KLF12: variants seen among roughly 807,000 people sequenced by gnomAD.
KLF12 encodes the protein KLF transcription factor 12, also known as Krueppel-like factor 12.
A neutral mutation model predicts 37.8 loss-of-function variants in KLF12; 9 were observed. That is an observed-to-expected ratio of 0.24 (90% confidence interval 0.14 to 0.42). KLF12 has a LOEUF of 0.42. KLF12 is among the 10% of genes least tolerant of loss of function. KLF12 has a pLI of 1.00. For synonymous variants in KLF12, 208 were observed against 202.1 expected, an observed-to-expected ratio of 1.03 and a Z score of -0.25; for missense variants, 411 against 516.0, an observed-to-expected ratio of 0.80 and a Z score of 1.97.
At chr13:74,253,913 G>T in the KLF12 span, among the ~76,000 whole-genome samples, 12 of 152,138 alleles carry the variant, frequency 7.9e-5, no homozygotes, top group East Asian at 2.1e-3. Context: ...CTTACAATAT[G>T]AAACTTTTAA....
the KLF12 span, among the ~76,000 whole-genome samples, chr13:74,200,189 C>CGG: frequency 7.3e-5 from 11 of 150,940 alleles, no homozygotes; most frequent in African/African-American, 2.7e-4. Flanking sequence ...TAAGCTTGCT[C>CGG]AGGGGGGGGG....
the KLF12 span, among the ~76,000 whole-genome samples, chr13:74,139,045 C>G: frequency 1.3e-5 from 2 of 151,898 alleles, no homozygotes; most frequent in Admixed American, 6.6e-5. Flanking sequence ...GGAAAGAGTG[C>G]TTCAGCTGCT....
chr13:74,232,647 A>C, the KLF12 span, among the ~76,000 whole-genome samples: 2 of 152,344 alleles, frequency 1.3e-5, no homozygotes, highest in African/African-American at 4.8e-5. Flanking sequence ...CTATATCAAC[A>C]AAAGTAATTT....
At chr13:74,057,410 G>A (rs1873307491) in intron 1 of KLF12, among the ~76,000 whole-genome samples, 3 of 152,102 alleles carry the variant, frequency 2.0e-5, no homozygotes, top group Admixed American at 2.0e-4. Context: ...ATCTCACTGG[G>A]CTCCCAAAGA....
intron 3 of KLF12, among the ~76,000 whole-genome samples, chr13:73,912,591 A>G (rs1366824419): frequency 6.6e-6 from 1 of 152,136 alleles, no homozygotes; most frequent in Non-Finnish European, 1.5e-5. Context: ...AGAAGCTAGA[A>G]GAGGCATGGA....
intron 6 of KLF12, among the ~76,000 whole-genome samples, chr13:73,749,993 C>T (rs951843319): frequency 1.3e-5 from 2 of 152,030 alleles, no homozygotes; most frequent in Non-Finnish European, 2.9e-5. Context: ...TCAATCTTGC[C>T]CCAGATCACA....
At chr13:74,254,044 A>G in the KLF12 span, among the ~76,000 whole-genome samples, 2 of 152,162 alleles carry the variant, frequency 1.3e-5, no homozygotes, top group Non-Finnish European at 2.9e-5. Context: ...TTTGTTTTCT[A>G]TTTAATTATG....
In KLF12 at chr13:73,723,608, T is replaced by C. The variant is rs573598463; in HGVS notation, c.870-8083A>G. Among the ~76,000 whole-genome samples the C allele has an allele frequency of 1.4e-4, 22 of 152,330 alleles. 2 individuals are homozygous for C. The South Asian group carries it at 4.6e-3, about 32-fold the overall frequency. On this transcript the variant is annotated intron_variant, in intron 6 of 7. Coordinates refer to ENST00000377669, the MANE Select transcript of KLF12 (RefSeq NM_007249.5). The stretch of plus-strand genomic sequence containing the variant: ...TGGCATGGGCCCAACCCATGCCCTA[T>C]TGCTTTATGAGAACAGCACTTTATC...
At chr13:74,262,850 C>CATATAT in the KLF12 span, among the ~76,000 whole-genome samples, 1 of 151,692 alleles carries the variant, frequency 6.6e-6, no homozygotes, top group African/African-American at 2.4e-5. Flanking sequence ...TGTATGTACA[C>CATATAT]ACATATATAT....
chr13:73,820,068 A>G (rs1883439355), intron 4 of KLF12, among the ~76,000 whole-genome samples: 1 of 152,152 alleles, frequency 6.6e-6, no homozygotes. Flanking sequence ...CTGGGTGAGA[A>G]GGGAAGCCAT....
chr13:73,876,531 T>C (rs2138914858), intron 3 of KLF12, among the ~76,000 whole-genome samples: 1 of 152,298 alleles, frequency 6.6e-6, no homozygotes, highest in Non-Finnish European at 1.5e-5. Flanking sequence ...GCAAAACATG[T>C]ACTCTAGGCT....
the KLF12 span, among the ~76,000 whole-genome samples, chr13:74,280,606 G>A: frequency 6.6e-6 from 1 of 152,140 alleles, no homozygotes. Flanking sequence ...CATGATCTCT[G>A]GTCACATTCT....
intron 5 of KLF12, 94 bp from the exon 6 acceptor site, chr13:73,765,094 G>A: frequency 1.4e-6 from 1 of 722,006 alleles, no homozygotes; most frequent in Non-Finnish European, 2.3e-6. Context: ...ATTTCTTTTA[G>A]AATTGCTTAA....
rs182368278 is a variant in KLF12, at chr13:73,886,602, T to C, written c.124-40229A>G. Among the ~76,000 whole-genome samples, 59 of 152,122 alleles carry C rather than the reference T, an allele frequency of 3.9e-4. No individual in the cohort carries two copies. The East Asian group carries it at 8.5e-3, about 22-fold the overall frequency. ...TTAACCTATGTCACAAACCTGCACA[T>C]CCTGCACATGCACCCCAGAACTTAA... On this transcript the variant is annotated intron_variant, in intron 3 of 7. Transcript: ENST00000377669.
the KLF12 span, among the ~76,000 whole-genome samples, chr13:74,247,692 G>C: frequency 2.0e-5 from 3 of 152,000 alleles, no homozygotes; most frequent in African/African-American, 7.2e-5. Flanking sequence ...GACTGGTCTT[G>C]AACTCCTACC....
intron 1 of KLF12, among the ~76,000 whole-genome samples, chr13:74,046,761 C>G (rs1893558586): frequency 1.3e-5 from 2 of 152,200 alleles, no homozygotes; most frequent in African/African-American, 4.8e-5. Flanking sequence ...ATGATCATTA[C>G]TTAGACAAAT....
chr13:73,882,576 T>C (rs1887029762), intron 3 of KLF12, among the ~76,000 whole-genome samples: 1 of 152,176 alleles, frequency 6.6e-6, no homozygotes, highest in Non-Finnish European at 1.5e-5. Context: ...AAATGTCAAC[T>C]ACAGAATTTG....
chr13:73,707,338 A>G (rs1309597186), intron 7 of KLF12, among the ~76,000 whole-genome samples: 1 of 152,244 alleles, frequency 6.6e-6, no homozygotes, highest in African/African-American at 2.4e-5. Flanking sequence ...GATTCACACA[A>G]GTAGTTTGTC....
the KLF12 span, among the ~76,000 whole-genome samples, chr13:74,156,519 T>C: frequency 2.6e-5 from 4 of 152,176 alleles, no homozygotes; most frequent in African/African-American, 9.7e-5. Flanking sequence ...ATACACACAT[T>C]ATTGACTACA....
Sources: allele counts gnomAD v4.1 joint callset (sites outside exome capture counted in the v4.1 genomes callset), GRCh38; gene constraint gnomAD v4.1.1; transcripts MANE v1.5; gene names NCBI Gene and HGNC (gene_info 2026-07-23, HGNC 2026-07-21).